The following CHRNA7 variants were observed in gnomAD, a reference collection of about 807,000 sequenced individuals.
CHRNA7 encodes cholinergic receptor nicotinic alpha 7 subunit.
CHRNA7 carries 17 observed loss-of-function variants against 48.0 expected under a neutral mutation model. That is an observed-to-expected ratio of 0.35 (90% CI 0.24 to 0.53). The LOEUF is 0.53. Among genes scored for constraint, CHRNA7 ranks in the 20% least tolerant of loss-of-function variants. The pLI, the probability that CHRNA7 is intolerant of heterozygous loss-of-function variation, is 0.92. For missense variants in CHRNA7, 155 were observed against 577.7 expected (o/e 0.27, Z 7.50); for synonymous variants, 75 against 242.3 (o/e 0.31, Z 6.41).
chr15:32,086,953 C>T (rs896471887), intron 2 of CHRNA7, among the ~76,000 whole-genome samples: 3 of 152,152 alleles, frequency 2.0e-5, no homozygotes, highest in Non-Finnish European at 2.9e-5. Context: ...TCAGGTCCCT[C>T]GACTGCAAAG....
intron 4 of CHRNA7, among the ~76,000 whole-genome samples, chr15:32,120,718 G>A (rs1019449304): frequency 5.3e-5 from 8 of 152,016 alleles, no homozygotes; most frequent in East Asian, 2.0e-4. Flanking sequence ...ATGTGGCAAC[G>A]GGCCAGTCCA....
At chr15:32,138,031 G>A (rs118146751) in intron 4 of CHRNA7, among the ~76,000 whole-genome samples, 1 of 151,850 alleles carries the variant, frequency 6.6e-6, no homozygotes, top group East Asian at 1.9e-4. Flanking sequence ...AACTCAAGAA[G>A]TTATAAAATA....
At chr15:32,087,272 T>G (rs1031979123) in intron 2 of CHRNA7, among the ~76,000 whole-genome samples, 1 of 152,266 alleles carries the variant, frequency 6.6e-6, no homozygotes, top group Non-Finnish European at 1.5e-5. Context: ...CACTAGGTAC[T>G]TGTTAAATTT....
chr15:32,030,591 C>CT lies in CHRNA7; in HGVS notation c.-4_-3insT. 1.3e-6 allele frequency: 2 copies of CT among 1,544,114 alleles called. No homozygotes were observed. Among genetic ancestry groups the CT allele is most frequent in the Non-Finnish European group, 1.7e-6 (2 of 1,152,852 alleles). On this transcript the variant is annotated 5_prime_UTR_variant, in exon 1 of 10. Coordinates refer to ENST00000306901, the MANE Select transcript of CHRNA7 (RefSeq NM_000746.6). ...GCCGGCTCGCTGCAGCTCCGGGACTCAACATGCGCTGCTCGCCGGGAGGCG... is the reference window on the plus strand; with the variant it reads ...GCCGGCTCGCTGCAGCTCCGGGACTCTAACATGCGCTGCTCGCCGGGAGGCG...
rs1416291837 is a variant in CHRNA7, at chr15:32,149,261, T to C, written c.351-4646T>C. ...GAAGAGGAGTGAGGAGGAGAATGAA[T>C]CCCTGCAGCCCTACCCCTGTTTCCA... On this transcript the variant is annotated intron_variant, in intron 4 of 9. Coordinates refer to ENST00000306901, the MANE Select transcript of CHRNA7 (RefSeq NM_000746.6). The surrounding 1 kb of genome is among the most constrained non-coding windows in gnomAD (Gnocchi z 4.6). Among the ~76,000 whole-genome samples the C allele has an allele frequency of 6.6e-6, 1 of 152,192 alleles. No individual in the cohort carries two copies. The highest frequency in any genetic ancestry group is 2.4e-5 in the African/African-American group (1 of 41,436).
intron 2 of CHRNA7, among the ~76,000 whole-genome samples, chr15:32,073,794 C>T (rs1287446868): frequency 6.6e-6 from 1 of 152,150 alleles, no homozygotes; most frequent in East Asian, 1.9e-4. Flanking sequence ...TCCCCTTTTG[C>T]CTTCCACAAT....
chr15:32,144,901 T>G (rs2051456042), intron 4 of CHRNA7, among the ~76,000 whole-genome samples: 1 of 152,208 alleles, frequency 6.6e-6, no homozygotes, highest in Non-Finnish European at 1.5e-5. Flanking sequence ...TTGCCGACCT[T>G]CTGAAACCTA....
intron 4 of CHRNA7, among the ~76,000 whole-genome samples, chr15:32,144,857 C>T (rs2051454925): frequency 2.0e-5 from 3 of 152,102 alleles, no homozygotes; most frequent in Admixed American, 2.0e-4. Flanking sequence ...GCAATGGGTT[C>T]GAACATGCTC....
At chr15:32,114,061 C>CACACATAT (rs1555383701) in intron 4 of CHRNA7, among the ~76,000 whole-genome samples, 19 of 120,206 alleles carry the variant, frequency 1.6e-4, no homozygotes, top group South Asian at 2.6e-4. Flanking sequence ...TATATATATA[C>CACACATAT]ATATATATAT....
At chr15:32,118,563 A>G (rs2050912085) in intron 4 of CHRNA7, among the ~76,000 whole-genome samples, 1 of 152,208 alleles carries the variant, frequency 6.6e-6, no homozygotes, top group Non-Finnish European at 1.5e-5. Context: ...CTATGTTTGC[A>G]TCTTCAAAGT....
intron 4 of CHRNA7, among the ~76,000 whole-genome samples, chr15:32,146,537 T>C (rs886645377): frequency 3.3e-5 from 5 of 152,230 alleles, no homozygotes; most frequent in Non-Finnish European, 7.3e-5. Context: ...AGAAAAAATA[T>C]ATCTGATACA....
At chr15:32,141,149 G>A (rs983387940) in intron 4 of CHRNA7, among the ~76,000 whole-genome samples, 4 of 152,180 alleles carry the variant, frequency 2.6e-5, no homozygotes. Context: ...TGGCTAGCCA[G>A]TTTTCCCAGT....
chr15:32,060,210 T>C (rs940170138), intron 2 of CHRNA7, among the ~76,000 whole-genome samples: 12 of 152,094 alleles, frequency 7.9e-5, no homozygotes, highest in Admixed American at 6.5e-4. Context: ...CAGAATTCAC[T>C]CTACAAACGG....
intron 2 of CHRNA7, among the ~76,000 whole-genome samples, chr15:32,068,672 G>A (rs568646635): frequency 2.0e-5 from 3 of 150,990 alleles, no homozygotes; most frequent in South Asian, 2.1e-4. Flanking sequence ...GCAGTGAGCC[G>A]AGATCGCACC....
rs2050767822 is a variant in CHRNA7, at chr15:32,111,877, C to A, written c.328C>A (p.Pro110Thr). Reference protein sequence around the residue: ...VRFPDGQIWKPDILLYNSADE... With the variant: ...VRFPDGQIWKTDILLYNSADE... Reference sequence around the variant, plus strand: ...TTTCCCAGATGGCCAGATTTGGAAACCAGACATTCTTCTCTATAACAGGTA... The same window carrying A: ...TTTCCCAGATGGCCAGATTTGGAAAACAGACATTCTTCTCTATAACAGGTA... Residue 110 changes from proline to threonine, a missense_variant, in exon 4 of 10, where the codon CCA (proline) becomes ACA (threonine). Physicochemically the swap from Pro to Thr is conservative, Grantham distance 38. Coordinates refer to ENST00000306901, the MANE Select transcript of CHRNA7 (RefSeq NM_000746.6). 6.2e-7 allele frequency: 1 copy of A among 1,609,618 alleles called. No individual in the cohort carries two copies. The highest frequency in any genetic ancestry group is 1.3e-5 in the African/African-American group (1 of 74,930).
At chr15:32,032,703 C>T (rs1901902352) in intron 2 of CHRNA7, among the ~76,000 whole-genome samples, 1 of 152,150 alleles carries the variant, frequency 6.6e-6, no homozygotes, top group Non-Finnish European at 1.5e-5. Context: ...AGCTGTCTCT[C>T]TTGGAGTGGG....
chr15:32,100,107 T>G (rs953785577), intron 2 of CHRNA7: 3 of 152,208 alleles, frequency 2.0e-5, no homozygotes. Context: ...GCATTTTCAT[T>G]TTAATGAGAG....
intron 4 of CHRNA7, among the ~76,000 whole-genome samples, chr15:32,134,107 T>TA (rs2051203498): frequency 6.6e-6 from 1 of 151,776 alleles, no homozygotes; most frequent in African/African-American, 2.4e-5. Flanking sequence ...TGCGTCCTCC[T>TA]CCCTCCACAT....
At chr15:32,080,466 A>T (rs2050198690) in intron 2 of CHRNA7, among the ~76,000 whole-genome samples, 1 of 152,176 alleles carries the variant, frequency 6.6e-6, no homozygotes, top group Non-Finnish European at 1.5e-5. Flanking sequence ...CAACCCCATT[A>T]AAAAAATGGG....
Sources: allele counts gnomAD v4.1 joint callset (sites outside exome capture counted in the v4.1 genomes callset), GRCh38; gene constraint gnomAD v4.1.1; non-coding constraint Gnocchi (gnomAD v3.1); transcripts MANE v1.5; gene names NCBI Gene and HGNC (gene_info 2026-07-23, HGNC 2026-07-21).